The following ZNF638 variants were observed in gnomAD, a reference collection of about 807,000 sequenced individuals.
The protein encoded by ZNF638 is zinc finger protein 638, also known as CTCL tumor antigen se33-1.
In ZNF638, 46 loss-of-function variants were observed where a neutral mutation model predicts 195.6. The ratio of observed to expected loss-of-function variants is 0.24; its 90% CI spans 0.19 to 0.30. The LOEUF (loss-of-function observed/expected upper bound fraction) is 0.30, where lower values mean the gene tolerates loss of function less well. ZNF638 is among the 10% of genes least tolerant of loss of function. The probability of loss-of-function intolerance (pLI) is 1.00; values close to 1 mark genes in which losing one functional copy is unlikely to be tolerated. For missense variants in ZNF638, 2,440 were observed against 2,325.3 expected (o/e 1.05, Z -1.01); for synonymous variants, 845 against 772.0 (o/e 1.09, Z -1.57).
At chr2:71,362,010 T>A (rs1027043439) in intron 3 of ZNF638, among the ~76,000 whole-genome samples, 12 of 152,214 alleles carry the variant, frequency 7.9e-5, no homozygotes, top group African/African-American at 2.9e-4. Context: ...CTGGCTTTCA[T>A]CTTGCTGCTG....
intron 1 of ZNF638, among the ~76,000 whole-genome samples, chr2:71,335,694 A>G (rs941659449): frequency 6.6e-6 from 1 of 152,212 alleles, no homozygotes; most frequent in Non-Finnish European, 1.5e-5. Flanking sequence ...TTTTTAAACA[A>G]ATGCTTCTAT....
chr2:71,358,314 T>C (rs1236607849), intron 3 of ZNF638, among the ~76,000 whole-genome samples: 1 of 152,204 alleles, frequency 6.6e-6, no homozygotes, highest in Non-Finnish European at 1.5e-5. Context: ...GTTCCAGGGA[T>C]TGGAACATAT....
intron 1 of ZNF638, among the ~76,000 whole-genome samples, chr2:71,333,252 T>C (rs1443900145): frequency 6.6e-6 from 1 of 152,238 alleles, no homozygotes; most frequent in Admixed American, 6.5e-5. Flanking sequence ...AATATGTACT[T>C]CTAAATAATT....
intron 3 of ZNF638, among the ~76,000 whole-genome samples, chr2:71,358,848 G>C (rs1209296237): frequency 6.6e-6 from 1 of 152,124 alleles, no homozygotes; most frequent in Non-Finnish European, 1.5e-5. Flanking sequence ...CACACTCATA[G>C]TATTTCAAAT....
intron 22 of ZNF638, 73 bp from the exon 23 acceptor site, chr2:71,424,577 T>C: frequency 2.3e-6 from 3 of 1,292,282 alleles, no homozygotes; most frequent in Non-Finnish European, 1.1e-6. Context: ...TTTTGTTTTT[T>C]GTTTTTTTTT....
At chr2:71,380,634 GATGCT>G (rs2079519442) in intron 10 of ZNF638, 69 bp downstream of exon 10, 2 of 1,325,086 alleles carry the variant, frequency 1.5e-6, no homozygotes, top group Non-Finnish European at 2.1e-6. Context: ...CTTAGATGAT[GATGCT>G]ATGAAGACAC....
intron 1 of ZNF638, 50 bp from the exon 2 acceptor site, chr2:71,348,703 A>C (rs1317253933): frequency 6.9e-7 from 1 of 1,440,672 alleles, no homozygotes; most frequent in East Asian, 2.8e-5. Context: ...AACCCACTTC[A>C]TGAAGTAGTT....
chr2:71,402,263 G>A (rs530646576), intron 16 of ZNF638, among the ~76,000 whole-genome samples, 176 bp downstream of exon 16: 34 of 152,206 alleles, frequency 2.2e-4, no homozygotes, highest in Non-Finnish European at 4.0e-4. Context: ...TTGTTGTAAC[G>A]AGACATAGTT....
At chr2:71,401,209 AG>A (rs1235801700) in intron 15 of ZNF638, among the ~76,000 whole-genome samples, 2 of 152,080 alleles carry the variant, frequency 1.3e-5, no homozygotes, top group East Asian at 3.9e-4. Context: ...TTTTCCCCCT[AG>A]ATATCAAAAA....
At chr2:71,418,668 T>C (rs754541834) in intron 21 of ZNF638, 29 bp downstream of exon 21, 7 of 1,477,858 alleles carry the variant, frequency 4.7e-6, no homozygotes, top group South Asian at 2.7e-5. Context: ...ACTAACACTT[T>C]TGTATAGTAT....
chr2:71,343,345 AAAAAC>A (rs1425761722), intron 1 of ZNF638, among the ~76,000 whole-genome samples: 4 of 152,156 alleles, frequency 2.6e-5, no homozygotes, highest in Non-Finnish European at 5.9e-5. Flanking sequence ...CCTTTCCACT[AAAAAC>A]AAAAAGGGGA....
chr2:71,339,212 C>T (rs2078723122), intron 1 of ZNF638, among the ~76,000 whole-genome samples: 1 of 149,938 alleles, frequency 6.7e-6, no homozygotes, highest in Non-Finnish European at 1.5e-5. Context: ...AGTGCAGTGG[C>T]ACCATCTCAG....
chr2:71,351,074 A>G (rs888216520), intron 2 of ZNF638, among the ~76,000 whole-genome samples: 2 of 152,216 alleles, frequency 1.3e-5, no homozygotes, highest in African/African-American at 2.4e-5. Flanking sequence ...GTTGGCAATC[A>G]CTGTTTCTTC....
rs1447991561 is a variant in ZNF638, at chr2:71,421,844, T to C, written c.3300-970T>C. 3.3e-5 allele frequency among the ~76,000 whole-genome samples: 5 copies of C among 152,168 alleles called. 1 individual carries two copies. Among genetic ancestry groups the C allele is most frequent in the Admixed American group, 3.3e-4 (5 of 15,282 alleles). On this transcript the variant is annotated intron_variant, in intron 21 of 27. Coordinates refer to ENST00000264447, the MANE Select transcript of ZNF638 (RefSeq NM_014497.5). ...TGGGCATTGTTTTTGGAAGCTAAGG[T>C]TTTCCTTGTTCTTCAAGAAAACCTC...
intron 27 of ZNF638, among the ~76,000 whole-genome samples, chr2:71,433,768 G>A (rs776768297): frequency 6.6e-6 from 1 of 152,166 alleles, no homozygotes; most frequent in Non-Finnish European, 1.5e-5. Flanking sequence ...ATATTTGAGA[G>A]TTTCGTACAT....
chr2:71,431,758 T>C (rs2080668229), intron 26 of ZNF638, among the ~76,000 whole-genome samples: 1 of 124,550 alleles, frequency 8.0e-6, no homozygotes, highest in African/African-American at 3.0e-5. Context: ...AGACTCCGTC[T>C]CAAAAAAAAA....
At chr2:71,411,960 G>A (rs1435887007) in intron 20 of ZNF638, among the ~76,000 whole-genome samples, 8 of 96,132 alleles carry the variant, frequency 8.3e-5, no homozygotes, top group Non-Finnish European at 1.4e-4. Context: ...CTTTATAGCA[G>A]CATGATTTAT....
chr2:71,369,200 G>C (rs1158452128), intron 7 of ZNF638, among the ~76,000 whole-genome samples: 4 of 151,936 alleles, frequency 2.6e-5, no homozygotes, highest in Admixed American at 2.6e-4. Flanking sequence ...CCAGACATCT[G>C]TAATCCCACC....
chr2:71,366,155 G>A lies in ZNF638; in HGVS notation c.1995+449G>A, dbSNP rs150822774. Among the ~76,000 whole-genome samples, 5 of 152,282 alleles carry A rather than the reference G, an allele frequency of 3.3e-5. No individual in the cohort carries two copies. The East Asian group carries it at 7.8e-4, about 24-fold the overall frequency. ...GCTCGAGCTTAAGAATTTGAGGCCA[G>A]CCAGAGCTACGTGGTGGAACTCCCT... is the stretch of plus-strand genomic sequence containing the variant. On this transcript the variant is annotated intron_variant, in intron 6 of 27. Transcript: ENST00000264447.
Sources: allele counts gnomAD v4.1 joint callset (sites outside exome capture counted in the v4.1 genomes callset), GRCh38; gene constraint gnomAD v4.1.1; transcripts MANE v1.5; gene names NCBI Gene and HGNC (gene_info 2026-07-23, HGNC 2026-07-21).